CHODL: variants seen among roughly 807,000 people sequenced by gnomAD.
The protein encoded by CHODL is chondrolectin.
Under a neutral mutation model 34.5 loss-of-function variants are expected in CHODL, and 29 were observed. That is an observed-to-expected ratio of 0.84 (90% CI 0.63 to 1.15). CHODL has a LOEUF of 1.15. Ranked by LOEUF, CHODL falls within the 50% of genes most tolerant of loss-of-function variation. The probability of loss-of-function intolerance (pLI) is 0.00; values close to 1 mark genes in which losing one functional copy is unlikely to be tolerated. For synonymous variants in CHODL, 125 were observed against 116.1 expected, an observed-to-expected ratio of 1.08 and a Z score of -0.49; for missense variants, 332 against 332.5, an observed-to-expected ratio of 1.00 and a Z score of 0.01.
intron 4 of CHODL, among the ~76,000 whole-genome samples, chr21:18,262,160 T>A (rs2146825627): frequency 6.6e-6 from 1 of 152,316 alleles, no homozygotes; most frequent in East Asian, 1.9e-4. Flanking sequence ...GAAGTATGGA[T>A]ATCAAATTGG....
chr21:18,266,606 A>G lies in CHODL; in HGVS notation c.*568A>G, dbSNP rs764052212. 5 of 153,514 alleles carry G rather than the reference A, an allele frequency of 3.3e-5. No individual in the cohort carries two copies. Among genetic ancestry groups the G allele is most frequent in the Admixed American group, 6.5e-5 (1 of 15,348 alleles). 9.5% of individuals were successfully genotyped at this position (153,514 alleles called of 1,614,324 possible). Reference sequence around the variant, plus strand: ...TAGAAAAAGTTTGTTTTCTCGAAATAATTCATCTTTCAGCTTCTCTGCTTT... The same window carrying G: ...TAGAAAAAGTTTGTTTTCTCGAAATGATTCATCTTTCAGCTTCTCTGCTTT... On this transcript the variant is annotated 3_prime_UTR_variant, in exon 6 of 6. Transcript: ENST00000299295.
intron 2 of CHODL, among the ~76,000 whole-genome samples, chr21:18,108,453 A>C (rs2065302493): frequency 6.6e-6 from 1 of 152,248 alleles, no homozygotes; most frequent in Admixed American, 6.5e-5. Flanking sequence ...ATGTTGAATT[A>C]GAAGGTAAGA....
intron 1 of CHODL, among the ~76,000 whole-genome samples, chr21:17,940,380 A>G (rs1882921): frequency 0.066 from 10,117 of 152,316 alleles, 905 homozygotes; most frequent in African/African-American, 0.2. Flanking sequence ...AAGAAAATTC[A>G]TAGTCTAGTG....
chr21:18,181,008 C>G (rs2073375377), intron 2 of CHODL, among the ~76,000 whole-genome samples: 1 of 152,068 alleles, frequency 6.6e-6, no homozygotes, highest in South Asian at 2.1e-4. Flanking sequence ...TCAATAGCAA[C>G]AGATTTTTAT....
chr21:18,249,714 G>A (rs943801099), intron 1 of CHODL, among the ~76,000 whole-genome samples: 2 of 152,190 alleles, frequency 1.3e-5, no homozygotes, highest in Non-Finnish European at 2.9e-5. Context: ...TGTAGAGCCA[G>A]ATGGCCTGGT....
intron 2 of CHODL, among the ~76,000 whole-genome samples, chr21:18,075,308 G>A (rs2064851562): frequency 6.6e-6 from 1 of 152,138 alleles, no homozygotes; most frequent in Non-Finnish European, 1.5e-5. Flanking sequence ...TCATGTCTGT[G>A]GTTTCAGGCA....
chr21:17,951,692 CTTAAAA>C (rs2063458949), intron 1 of CHODL, among the ~76,000 whole-genome samples: 1 of 152,046 alleles, frequency 6.6e-6, no homozygotes, highest in Non-Finnish European at 1.5e-5. Context: ...GTAAAATATA[CTTAAAA>C]TTAAAAAATT....
chr21:17,971,029 C>G (rs565570734), intron 1 of CHODL, among the ~76,000 whole-genome samples: 159 of 152,210 alleles, frequency 1.0e-3, no homozygotes, highest in Middle Eastern at 3.4e-3. Flanking sequence ...TGATGGTTTC[C>G]AGCTTCATCC....
intron 1 of CHODL, among the ~76,000 whole-genome samples, chr21:17,951,570 C>T (rs1237198164): frequency 6.6e-6 from 1 of 152,120 alleles, no homozygotes; most frequent in Non-Finnish European, 1.5e-5. Flanking sequence ...ATTTAGCAGG[C>T]AGACTTTAAC....
chr21:18,025,305 G>A (rs2064164091), intron 1 of CHODL, among the ~76,000 whole-genome samples: 3 of 152,152 alleles, frequency 2.0e-5, no homozygotes, highest in Admixed American at 2.0e-4. Context: ...ATTAAACAAT[G>A]TTAGTGGTAT....
intron 2 of CHODL, among the ~76,000 whole-genome samples, chr21:18,203,900 G>A (rs1319362689): frequency 6.6e-6 from 1 of 152,070 alleles, no homozygotes; most frequent in Non-Finnish European, 1.5e-5. Context: ...ATATTAATCT[G>A]TGGACTCCAT....
chr21:17,927,801 T>C (rs2063240646), intron 1 of CHODL, among the ~76,000 whole-genome samples: 1 of 152,238 alleles, frequency 6.6e-6, no homozygotes, highest in African/African-American at 2.4e-5. Flanking sequence ...AGTAGGTTTA[T>C]CTTTTATATA....
chr21:18,136,333 G>A (rs117268545), intron 2 of CHODL, among the ~76,000 whole-genome samples: 270 of 152,030 alleles, frequency 1.8e-3, no homozygotes, highest in Non-Finnish European at 2.9e-3. Flanking sequence ...TTGATTTTCT[G>A]GGCAGTCTCA....
At chr21:18,113,790 G>A (rs1284975443) in intron 2 of CHODL, among the ~76,000 whole-genome samples, 1 of 152,180 alleles carries the variant, frequency 6.6e-6, no homozygotes, top group African/African-American at 2.4e-5. Flanking sequence ...CCACTGCAGA[G>A]TATATACTCA....
At chr21:18,120,988 T>C (rs1007661595) in intron 2 of CHODL, among the ~76,000 whole-genome samples, 5 of 152,270 alleles carry the variant, frequency 3.3e-5, no homozygotes, top group Non-Finnish European at 7.4e-5. Flanking sequence ...AAGGCTCGGA[T>C]TGCATTTGTA....
chr21:17,994,274 GGGTACA>G (rs1234845987), intron 1 of CHODL, among the ~76,000 whole-genome samples: 5 of 152,312 alleles, frequency 3.3e-5, no homozygotes, highest in Admixed American at 1.3e-4. Flanking sequence ...CAGCATGCTT[GGGTACA>G]GGTGGTGACA....
chr21:17,921,311 G>A (rs1056925603), intron 1 of CHODL, among the ~76,000 whole-genome samples: 2 of 152,166 alleles, frequency 1.3e-5, no homozygotes, highest in Admixed American at 6.5e-5. Flanking sequence ...ATTATGGAGG[G>A]CAATCTTCTT....
At chr21:18,233,345 C>A (rs1254167406) in intron 2 of CHODL, among the ~76,000 whole-genome samples, 1 of 152,066 alleles carries the variant, frequency 6.6e-6, no homozygotes, top group Non-Finnish European at 1.5e-5. Flanking sequence ...GAAATACCAG[C>A]TGTCCACCCT....
intron 1 of CHODL, among the ~76,000 whole-genome samples, chr21:18,026,998 T>A (rs1310484419): frequency 2.0e-5 from 3 of 152,122 alleles, no homozygotes; most frequent in Admixed American, 2.0e-4. Context: ...CTGTCCAGGC[T>A]GGGCGCAGTG....
Sources: gnomAD v4.1 joint callset for allele counts (sites outside exome capture counted in the v4.1 genomes callset) on GRCh38, gnomAD v4.1.1 for gene constraint, MANE v1.5 for transcripts, NCBI Gene and HGNC (gene_info 2026-07-23, HGNC 2026-07-21) for gene names.